Variants in PIGN observed in about 807,000 individuals in gnomAD.
PIGN encodes GPI ethanolamine phosphate transferase 1.
Under a neutral mutation model 125.4 loss-of-function variants are expected in PIGN, and 117 were observed. That is an observed-to-expected ratio of 0.93 (90% CI 0.80 to 1.09). The LOEUF is 1.09. Ranked by LOEUF, PIGN falls within the 50% of genes least tolerant of loss-of-function variation. The pLI is 0.00. For missense variants in PIGN, 1,075 were observed against 1,094.9 expected (o/e 0.98, Z 0.26); for synonymous variants, 392 against 377.8 (o/e 1.04, Z -0.44).
intron 30 of PIGN, among the ~76,000 whole-genome samples, chr18:62,067,288 T>A (rs182884009): frequency 1.3e-5 from 2 of 152,356 alleles, no homozygotes; most frequent in Admixed American, 1.3e-4. Context: ...GCTCCACTCA[T>A]TTCAACTTTT....
intron 30 of PIGN, among the ~76,000 whole-genome samples, chr18:62,056,326 G>A (rs557391091): frequency 2.6e-5 from 4 of 151,992 alleles, no homozygotes; most frequent in Admixed American, 6.5e-5. Flanking sequence ...ATCATCATCA[G>A]TAACTCACAA....
Position 62,045,922 on chromosome 18 carries a change from G to A in PIGN, c.2730C>T (p.Gly910=), listed in dbSNP as rs750939127. ...SMTIFLVFLN[G]LAQLLTTKKL... ...TCTTCGTTGTGAGCAGCTGGGCCAG[G>A]CCATTGAGGAACACCAAAAAGATGG... The change falls in exon 31 of 31, where the codon GGC becomes GGT. Residue 910 remains glycine (G), a synonymous_variant. Transcript: ENST00000640252. The A allele has an allele frequency of 6.2e-6, 10 of 1,613,398 alleles. No homozygotes were observed. Among genetic ancestry groups the A allele is most frequent in the Non-Finnish European group, 8.5e-6 (10 of 1,179,606 alleles).
At chr18:62,170,261 T>G (rs2037303735) in intron 1 of PIGN, among the ~76,000 whole-genome samples, 1 of 152,206 alleles carries the variant, frequency 6.6e-6, no homozygotes. Context: ...CATCTTATTG[T>G]GCTTTACTTG....
At chr18:62,138,218 T>A (rs1424721081) in intron 14 of PIGN, 25 bp downstream of exon 14, 1 of 1,539,824 alleles carries the variant, frequency 6.5e-7, no homozygotes, top group Admixed American at 2.1e-5. Context: ...TCCTTCAAGT[T>A]AATAAAAAAA....
chr18:62,175,890 AAG>A (rs2037508715), intron 1 of PIGN, among the ~76,000 whole-genome samples: 1 of 152,182 alleles, frequency 6.6e-6, no homozygotes, highest in African/African-American at 2.4e-5. Flanking sequence ...ATATGGCAGG[AAG>A]AGAGCTAATA....
In PIGN at chr18:62,088,741, C is replaced by A; in HGVS notation, c.2370+15G>T. ...GAGTTGCAGCTCTTTAAACCAAAGT[C>A]TCCACAAAGGATACAAGGAAAAAGG... On this transcript the variant is annotated intron_variant, in intron 25 of 30. Transcript: ENST00000640252. 1 of 1,477,978 alleles carries A rather than the reference C, an allele frequency of 6.8e-7. No individual in the cohort carries two copies. Among genetic ancestry groups the A allele is most frequent in the East Asian group, 2.4e-5 (1 of 41,300 alleles). The allele number at this position is 1,477,978 out of a possible 1,614,324, so 91.6% of individuals were successfully genotyped here. A position where few individuals can be genotyped will look rare whatever the true frequency, so the allele number is the denominator to read the frequency against.
At chr18:62,039,007 A>G (rs1644919414), downstream of PIGN, among the ~76,000 whole-genome samples, 2 of 151,748 alleles carry the variant, frequency 1.3e-5, no homozygotes, top group African/African-American at 4.8e-5. Flanking sequence ...AAAATGTTAT[A>G]CACATTGGGC....
intron 23 of PIGN, among the ~76,000 whole-genome samples, chr18:62,030,701 T>A (rs995331134): frequency 2.0e-5 from 3 of 152,264 alleles, no homozygotes; most frequent in African/African-American, 7.2e-5. Flanking sequence ...CTCAAACTTG[T>A]GGCCCAGTAA....
intron 11 of PIGN, 30 bp downstream of exon 11, chr18:62,143,276 A>G (rs1386381893): frequency 1.1e-5 from 13 of 1,198,868 alleles, no homozygotes; most frequent in Non-Finnish European, 1.2e-5. Context: ...ATAAAATTAA[A>G]TTTGAATGTA....
chr18:62,065,541 A>T (rs532627896), intron 30 of PIGN, among the ~76,000 whole-genome samples: 2 of 152,052 alleles, frequency 1.3e-5, no homozygotes, highest in African/African-American at 4.8e-5. Context: ...TATCGAGACC[A>T]TCCTGGCTAA....
At chr18:62,061,894 G>A (rs1299222538) in intron 30 of PIGN, among the ~76,000 whole-genome samples, 1 of 152,106 alleles carries the variant, frequency 6.6e-6, no homozygotes, top group African/African-American at 2.4e-5. Flanking sequence ...TGGTGCTTTA[G>A]TTTTGAATCT....
chr18:62,141,192 G>GA (rs2036123199), intron 11 of PIGN, among the ~76,000 whole-genome samples: 1 of 152,200 alleles, frequency 6.6e-6, no homozygotes, highest in Non-Finnish European at 1.5e-5. Context: ...TCGGAATTGA[G>GA]AATGCCCAGT....
intron 23 of PIGN, among the ~76,000 whole-genome samples, chr18:62,026,125 G>A (rs747568543): frequency 3.4e-4 from 52 of 152,112 alleles, no homozygotes; most frequent in Admixed American, 5.9e-4. Context: ...TATAAATCCC[G>A]TTCATTCATT....
chr18:62,186,191 C>T (rs547696197), intron 1 of PIGN: 136 of 152,374 alleles, frequency 8.9e-4, no homozygotes, highest in Non-Finnish European at 1.5e-3. Context: ...GCTGGGATTG[C>T]AGGCTTGCGC....
downstream of PIGN, among the ~76,000 whole-genome samples, chr18:62,037,887 T>C (rs1416920968): frequency 6.6e-6 from 1 of 152,164 alleles, no homozygotes; most frequent in Non-Finnish European, 1.5e-5. Context: ...ATCATGAGTG[T>C]AAAGCCCCTG....
At chr18:62,077,951 T>C (rs549211185) in intron 28 of PIGN, among the ~76,000 whole-genome samples, 8 of 152,326 alleles carry the variant, frequency 5.3e-5, no homozygotes, top group Admixed American at 2.6e-4. Context: ...TCACATGTTA[T>C]CTCTTCTGTG....
At chr18:62,171,455 A>G (rs1486974802) in intron 1 of PIGN, among the ~76,000 whole-genome samples, 1 of 152,106 alleles carries the variant, frequency 6.6e-6, no homozygotes, top group East Asian at 1.9e-4. Flanking sequence ...TATGTATTTT[A>G]TTTACATCTT....
At chr18:62,146,096 A>G (rs2036319261) in intron 9 of PIGN, 71 bp from the exon 10 acceptor site, 1 of 675,218 alleles carries the variant, frequency 1.5e-6, no homozygotes, top group African/African-American at 1.8e-5. Context: ...ATTTTTTAAA[A>G]TAGTTTGTTT....
chr18:62,030,431 G>A (rs922907617), intron 23 of PIGN, among the ~76,000 whole-genome samples: 3 of 152,134 alleles, frequency 2.0e-5, no homozygotes, highest in Non-Finnish European at 2.9e-5. Flanking sequence ...AAGGACAACC[G>A]GGTTTATCAT....
Sources: gnomAD v4.1 joint callset for allele counts (sites outside exome capture counted in the v4.1 genomes callset) on GRCh38, gnomAD v4.1.1 for gene constraint, MANE v1.5 for transcripts, NCBI Gene and HGNC (gene_info 2026-07-23, HGNC 2026-07-21) for gene names.